Variants in KCNN2 observed in about 807,000 individuals in gnomAD.
The protein encoded by KCNN2 is potassium calcium-activated channel subfamily N member 2, also known as small conductance calcium-activated potassium channel protein 2.
A neutral mutation model predicts 55.5 loss-of-function variants in KCNN2; 24 were observed. The ratio of observed to expected loss-of-function variants is 0.43; its 90% confidence interval spans 0.31 to 0.61. The LOEUF is 0.61. Ranked by LOEUF, KCNN2 falls within the 20% of genes least tolerant of loss-of-function variation. The pLI, the probability that KCNN2 is intolerant of heterozygous loss-of-function variation, is 0.08. For missense variants in KCNN2, 754 were observed against 853.6 expected, an observed-to-expected ratio of 0.88 and a Z score of 1.45; for synonymous variants, 431 against 336.1, an observed-to-expected ratio of 1.28 and a Z score of -3.09.
intron 2 of KCNN2, among the ~76,000 whole-genome samples, chr5:114,328,884 C>G (rs773517503): frequency 6.6e-6 from 1 of 152,154 alleles, no homozygotes; most frequent in Non-Finnish European, 1.5e-5. Flanking sequence ...AAGACAATTA[C>G]GAAAGGCCCC....
At chr5:114,288,223 A>G (rs1362850383) in intron 2 of KCNN2, among the ~76,000 whole-genome samples, 1 of 152,198 alleles carries the variant, frequency 6.6e-6, no homozygotes, top group Admixed American at 6.5e-5. Context: ...CTGTGTATAT[A>G]CCACAATTTG....
chr5:114,458,690 A>G (rs1477035222), intron 3 of KCNN2, among the ~76,000 whole-genome samples: 1 of 152,200 alleles, frequency 6.6e-6, no homozygotes, highest in Non-Finnish European at 1.5e-5. Context: ...TTATGACCCA[A>G]AGTAACGTTT....
chr5:114,367,701 A>T (rs1385088375), intron 2 of KCNN2, among the ~76,000 whole-genome samples: 1 of 151,394 alleles, frequency 6.6e-6, no homozygotes, highest in Non-Finnish European at 1.5e-5. Flanking sequence ...TGCATCTCTG[A>T]TGGATAAAGT....
At chr5:114,200,362 T>A (rs1451362698) in intron 1 of KCNN2, among the ~76,000 whole-genome samples, 1 of 151,396 alleles carries the variant, frequency 6.6e-6, no homozygotes, top group Non-Finnish European at 1.5e-5. Flanking sequence ...TGCTTTTTTT[T>A]TTCTTTTCTC....
chr5:114,117,854 C>G lies in KCNN2; in HGVS notation c.-271+61354C>G, dbSNP rs532227506. Among the ~76,000 whole-genome samples, 7 of 152,312 alleles carry G rather than the reference C, an allele frequency of 4.6e-5. No homozygotes were observed. The South Asian group carries it at 1.5e-3, about 32-fold the overall frequency. On this transcript the variant is annotated intron_variant, in intron 1 of 10. Coordinates refer to the KCNN2 transcript ENST00000512097. The stretch of plus-strand genomic sequence containing the variant: ...CTTGATCTTCAGTCCAGTGCTCTAC[C>G]TCTGAGCTGTACCCTCTCCTTCATT...
rs146310403 is a variant in KCNN2, at chr5:114,216,784, A to G, written c.-270-4696A>G. On this transcript the variant is annotated intron_variant, in intron 1 of 10. Coordinates refer to the KCNN2 transcript ENST00000512097. Reference sequence around the variant, plus strand: ...GTTCTAGCTAATGCAATAAGACAAGAAAGGCAGTAAAAAGTATAGAGATTG... The same window carrying G: ...GTTCTAGCTAATGCAATAAGACAAGGAAGGCAGTAAAAAGTATAGAGATTG... 1.4e-3 allele frequency among the ~76,000 whole-genome samples: 208 copies of G among 152,228 alleles called. 2 individuals carry two copies. Among genetic ancestry groups the G allele is most frequent in the Non-Finnish European group, 2.5e-3 (168 of 67,978 alleles).
In KCNN2 at chr5:114,409,889, T is replaced by C. The variant is rs1448685128; in HGVS notation, c.1637+5033T>C. On this transcript the variant is annotated intron_variant, in intron 3 of 7. Transcript: ENST00000673685. ...AAATTCTCTCTCTCTCTCTCTCTCT[T>C]TTTGGTGAATGATAGGAGGAAGCAG... Among the ~76,000 whole-genome samples, 4 of 150,400 alleles carry C rather than the reference T, an allele frequency of 2.7e-5. No homozygotes were observed. In the South Asian group the frequency reaches 6.2e-4, roughly 23 times the overall value.
intron 4 of KCNN2, among the ~76,000 whole-genome samples, chr5:114,470,420 A>G (rs1051059942): frequency 1.3e-5 from 2 of 152,194 alleles, no homozygotes; most frequent in Non-Finnish European, 2.9e-5. Flanking sequence ...ACCTAGGAGC[A>G]TATCTACAAA....
intron 3 of KCNN2, among the ~76,000 whole-genome samples, chr5:114,421,135 G>A (rs1759459447): frequency 6.6e-6 from 1 of 151,488 alleles, no homozygotes; most frequent in Admixed American, 6.6e-5. Context: ...CTTGATTTTA[G>A]TATATGTTTC....
At chr5:114,347,928 T>A (rs1757140511) in intron 2 of KCNN2, among the ~76,000 whole-genome samples, 1 of 152,160 alleles carries the variant, frequency 6.6e-6, no homozygotes, top group Non-Finnish European at 1.5e-5. Context: ...GTCTCTCTTT[T>A]GAAGTGAGCA....
intron 2 of KCNN2, among the ~76,000 whole-genome samples, chr5:114,244,638 CAG>C (rs35939020): frequency 1.5e-3 from 218 of 146,438 alleles, no homozygotes; most frequent in Middle Eastern, 3.5e-3. Context: ...AGGGGAGAGA[CAG>C]AGAGAGAGAG....
chr5:114,315,447 GTGTGTGTGTGTGTGTGTGTATATA>G (rs1019954334), intron 2 of KCNN2, among the ~76,000 whole-genome samples: 18 of 108,768 alleles, frequency 1.7e-4, no homozygotes, highest in East Asian at 8.5e-4. Context: ...GTGTGTGTGT[GTGTGTGTGTGTGTGTGTGTATATA>G]TATATAAAAC....
At chr5:114,224,645 T>G (rs1419123285) in intron 2 of KCNN2, among the ~76,000 whole-genome samples, 1 of 152,166 alleles carries the variant, frequency 6.6e-6, no homozygotes, top group Non-Finnish European at 1.5e-5. Flanking sequence ...AAGCCCAAAG[T>G]CAATGAATTC....
At chr5:114,479,554 G>T (rs148970523) in intron 5 of KCNN2, among the ~76,000 whole-genome samples, 9 of 152,054 alleles carry the variant, frequency 5.9e-5, no homozygotes, top group Admixed American at 5.9e-4. Flanking sequence ...GGATCGAGTG[G>T]ACCTGATAGC....
intron 3 of KCNN2, among the ~76,000 whole-genome samples, chr5:114,444,708 G>A (rs1727643745): frequency 6.6e-6 from 1 of 152,104 alleles, no homozygotes; most frequent in Admixed American, 6.5e-5. Flanking sequence ...TATGGAGGGA[G>A]GACAGCTGTG....
At chr5:114,330,681 T>G (rs570245305) in intron 2 of KCNN2, among the ~76,000 whole-genome samples, 1 of 152,290 alleles carries the variant, frequency 6.6e-6, no homozygotes, top group South Asian at 2.1e-4. Flanking sequence ...AAATTCCCAC[T>G]CAACCTTTGG....
chr5:114,388,641 T>G (rs2150062029), intron 2 of KCNN2, among the ~76,000 whole-genome samples: 1 of 152,280 alleles, frequency 6.6e-6, no homozygotes, highest in South Asian at 2.1e-4. Flanking sequence ...TGTTTACTTC[T>G]TGCTGCATGC....
chr5:114,218,307 G>T (rs574259456), intron 1 of KCNN2, among the ~76,000 whole-genome samples: 1 of 152,238 alleles, frequency 6.6e-6, no homozygotes, highest in Admixed American at 6.5e-5. Context: ...AGCTTTATTC[G>T]TTCATAATTG....
chr5:114,327,617 C>T (rs1309094244), intron 2 of KCNN2, among the ~76,000 whole-genome samples: 1 of 152,170 alleles, frequency 6.6e-6, no homozygotes, highest in Non-Finnish European at 1.5e-5. Context: ...AAATCCATAT[C>T]AAGCTACATT....
Sources: gnomAD v4.1 joint callset for allele counts (sites outside exome capture counted in the v4.1 genomes callset) on GRCh38, gnomAD v4.1.1 for gene constraint, MANE v1.5 for transcripts, NCBI Gene and HGNC (gene_info 2026-07-23, HGNC 2026-07-21) for gene names.